Variants in FSTL5 observed in about 807,000 individuals in gnomAD.
FSTL5 encodes the protein follistatin-related protein 5.
In FSTL5, 62 loss-of-function variants were observed where a neutral mutation model predicts 89.1. The observed-to-expected ratio is 0.70, with a 90% CI of 0.57 to 0.86. The LOEUF (loss-of-function observed/expected upper bound fraction) is 0.86, where lower values mean the gene tolerates loss of function less well. FSTL5 is among the 40% of genes least tolerant of loss of function. The probability of loss-of-function intolerance (pLI) is 0.00; values close to 1 mark genes in which losing one functional copy is unlikely to be tolerated. For missense variants in FSTL5, 1,057 were observed against 1,001.6 expected (o/e 1.06, Z -0.75); for synonymous variants, 383 against 346.2 (o/e 1.11, Z -1.18).
At chr4:161,967,613 T>G (rs1025181667) in intron 3 of FSTL5, among the ~76,000 whole-genome samples, 6 of 151,990 alleles carry the variant, frequency 3.9e-5, no homozygotes, top group Admixed American at 2.0e-4. Context: ...AAAACCTATC[T>G]TTTTTGTTAT....
chr4:161,691,674 C>T (rs529415091), intron 6 of FSTL5, among the ~76,000 whole-genome samples: 1 of 152,252 alleles, frequency 6.6e-6, no homozygotes, highest in South Asian at 2.1e-4. Flanking sequence ...TTTCCATTTA[C>T]TTACATCTTT....
intron 6 of FSTL5, among the ~76,000 whole-genome samples, chr4:161,711,595 A>T (rs1375378591): frequency 6.6e-6 from 1 of 152,148 alleles, no homozygotes; most frequent in East Asian, 1.9e-4. Context: ...AATTAACACC[A>T]ATTCTTTAGA....
intron 3 of FSTL5, among the ~76,000 whole-genome samples, chr4:161,931,866 AAAG>A (rs760001360): frequency 6.6e-5 from 10 of 151,986 alleles, no homozygotes; most frequent in African/African-American, 2.4e-4. Flanking sequence ...TTTTTAGTAT[AAAG>A]AAGATAAATA....
At chr4:161,535,446 C>G (rs1731571208) in intron 10 of FSTL5, among the ~76,000 whole-genome samples, 1 of 151,914 alleles carries the variant, frequency 6.6e-6, no homozygotes, top group Non-Finnish European at 1.5e-5. Flanking sequence ...TCGAAAGAAG[C>G]CATACAAATG....
intron 3 of FSTL5, among the ~76,000 whole-genome samples, chr4:161,941,638 A>G (rs146349498): frequency 1.5e-3 from 224 of 152,064 alleles, no homozygotes; most frequent in Non-Finnish European, 2.5e-3. Flanking sequence ...TCAGAGCCCT[A>G]AACTACATGA....
intron 10 of FSTL5, among the ~76,000 whole-genome samples, chr4:161,532,217 A>T (rs1731436903): frequency 6.6e-6 from 1 of 151,984 alleles, no homozygotes; most frequent in African/African-American, 2.4e-5. Flanking sequence ...AAAAAAAGAA[A>T]TTATTTTTAG....
rs557130549 is a variant in FSTL5 at position 161,639,253 on chromosome 4, A to C, written c.894+17075T>G. Among the ~76,000 whole-genome samples, 132 of 152,288 alleles carry C rather than the reference A, an allele frequency of 8.7e-4. 3 individuals carry two copies. The highest frequency in any genetic ancestry group is 3.4e-3 in the Middle Eastern group (1 of 294). On this transcript the variant is annotated intron_variant, in intron 7 of 15. Transcript: ENST00000306100. ...GTACTGTTAAAAATGTGAGGCAGAA[A>C]GCTAACTGTAATTAAAGGGTAATGA...
intron 4 of FSTL5, among the ~76,000 whole-genome samples, chr4:161,791,053 A>G (rs1272609256): frequency 2.0e-5 from 3 of 152,196 alleles, no homozygotes; most frequent in African/African-American, 7.2e-5. Flanking sequence ...CATTTCTATC[A>G]TATTTTAATG....
chr4:162,057,097 G>A (rs1053206366), intron 2 of FSTL5, among the ~76,000 whole-genome samples: 1 of 152,178 alleles, frequency 6.6e-6, no homozygotes, highest in African/African-American at 2.4e-5. Flanking sequence ...CTGAAGGGAC[G>A]GCACATCCCA....
Position 161,789,602 on chromosome 4 carries a change from A to G in FSTL5, c.410-13528T>C, listed in dbSNP as rs188989257. The stretch of plus-strand genomic sequence containing the variant: ...CATTTGTGGCTTTTTGCCTTCTTTG[A>G]GCTGATTATAACATCTGCCTCGTTG... On this transcript the variant is annotated intron_variant, in intron 4 of 15. Coordinates refer to ENST00000306100, the MANE Select transcript of FSTL5 (RefSeq NM_020116.5). Among the ~76,000 whole-genome samples the G allele has an allele frequency of 2.1e-3, 323 of 152,216 alleles. 4 individuals are homozygous for G. Among genetic ancestry groups the G allele is most frequent in the African/African-American group, 7.6e-3 (314 of 41,542 alleles).
chr4:161,719,900 A>G (rs975291697), intron 6 of FSTL5, among the ~76,000 whole-genome samples: 15 of 152,164 alleles, frequency 9.9e-5, no homozygotes, highest in African/African-American at 3.6e-4. Flanking sequence ...ACAAAAATCA[A>G]CTCAAAATGG....
intron 12 of FSTL5, among the ~76,000 whole-genome samples, chr4:161,491,172 A>G (rs1729862361): frequency 1.3e-5 from 2 of 152,082 alleles, no homozygotes; most frequent in South Asian, 4.1e-4. Flanking sequence ...TTTCAGAGTA[A>G]GAACTTGAAA....
At chr4:162,080,646 G>A (rs956848727) in intron 2 of FSTL5, among the ~76,000 whole-genome samples, 11 of 151,524 alleles carry the variant, frequency 7.3e-5, no homozygotes, top group South Asian at 2.1e-4. Flanking sequence ...CTTGTATGAC[G>A]TATTTCTAAT....
rs564005433 is a variant in FSTL5, at chr4:162,010,946, T to C, written c.160+22679A>G. ...GGTATATGTTTTTATTTCTCTTATA[T>C]ATATATCTAAAAGTTGAATTGCTGG... On this transcript the variant is annotated intron_variant, in intron 3 of 15. Transcript: ENST00000306100. Among the ~76,000 whole-genome samples, 18 of 152,296 alleles carry C rather than the reference T, an allele frequency of 1.2e-4. No individual in the cohort carries two copies. The South Asian group carries it at 3.3e-3, about 28-fold the overall frequency.
intron 6 of FSTL5, among the ~76,000 whole-genome samples, chr4:161,693,173 G>T (rs1438729814): frequency 1.3e-5 from 2 of 152,148 alleles, no homozygotes; most frequent in Non-Finnish European, 2.9e-5. Flanking sequence ...CTTGTTCGTG[G>T]TGTACAAACA....
chr4:161,463,407 G>A (rs1419504297), intron 13 of FSTL5, among the ~76,000 whole-genome samples: 1 of 152,000 alleles, frequency 6.6e-6, no homozygotes, highest in Middle Eastern at 3.2e-3. Flanking sequence ...AAGTTTTCAT[G>A]TATAAAATAA....
At chr4:162,097,756 C>T (rs1038690811) in intron 2 of FSTL5, among the ~76,000 whole-genome samples, 3 of 151,752 alleles carry the variant, frequency 2.0e-5, no homozygotes, top group Non-Finnish European at 1.5e-5. Flanking sequence ...TAAATTAAAA[C>T]TACAATGGAT....
Position 161,606,240 on chromosome 4 carries a change from A to ATTTTT in FSTL5, c.895-18670_895-18666dup, listed in dbSNP as rs71598720. On this transcript the variant is annotated intron_variant, in intron 7 of 15. Coordinates refer to ENST00000306100, the MANE Select transcript of FSTL5 (RefSeq NM_020116.5). ...TTTCCAGAGATAATGATTATCTGTG[A>ATTTTT]TTTTTTTTTTTTTTTTTTTTTTTTG... 9.0e-4 allele frequency among the ~76,000 whole-genome samples: 106 copies of ATTTTT among 117,866 alleles called. 1 individual carries two copies. The highest frequency in any genetic ancestry group is 1.5e-3 in the Admixed American group (16 of 10,854). The allele number at this position is 117,866 out of a possible 152,430, so 77.3% of individuals were successfully genotyped here.
intron 3 of FSTL5, among the ~76,000 whole-genome samples, chr4:162,023,704 G>A (rs1429270864): frequency 1.3e-5 from 2 of 152,146 alleles, no homozygotes; most frequent in African/African-American, 4.8e-5. Flanking sequence ...ATAGCTGATA[G>A]GATTGAAGAA....
Sources: gnomAD v4.1 joint callset for allele counts (sites outside exome capture counted in the v4.1 genomes callset) on GRCh38, gnomAD v4.1.1 for gene constraint, MANE v1.5 for transcripts, NCBI Gene and HGNC (gene_info 2026-07-23, HGNC 2026-07-21) for gene names.